KIF1B: variants seen among roughly 807,000 people sequenced by gnomAD.
The protein encoded by KIF1B is kinesin family member 1B.
In KIF1B, 76 loss-of-function variants were observed where a neutral mutation model predicts 241.9. The observed-to-expected ratio is 0.31, with a 90% confidence interval of 0.26 to 0.38. KIF1B has a LOEUF of 0.38. KIF1B is among the 10% of genes least tolerant of loss of function. KIF1B has a pLI of 1.00. For synonymous variants in KIF1B, 750 were observed against 796.7 expected, an observed-to-expected ratio of 0.94 and a Z score of 0.99; for missense variants, 1,622 against 2,271.4, an observed-to-expected ratio of 0.71 and a Z score of 5.81.
chr1:10,341,081 A>G (rs1652374364), intron 32 of KIF1B, among the ~76,000 whole-genome samples: 1 of 152,266 alleles, frequency 6.6e-6, no homozygotes, highest in Admixed American at 6.5e-5. Flanking sequence ...GTGCCTGACA[A>G]CTGGGGAATG....
chr1:10,293,325 A>G (rs1650099325), intron 17 of KIF1B, among the ~76,000 whole-genome samples: 1 of 151,980 alleles, frequency 6.6e-6, no homozygotes, highest in Admixed American at 6.5e-5. Context: ...GTGGAATTTA[A>G]TTGTGCCTAT....
intron 2 of KIF1B, among the ~76,000 whole-genome samples, chr1:10,250,508 T>C (rs1402905956): frequency 6.6e-6 from 1 of 152,024 alleles, no homozygotes; most frequent in Non-Finnish European, 1.5e-5. Context: ...CCAGCTAATT[T>C]TTGTAAATAC....
At chr1:10,219,901 C>G (rs1301736120) in intron 1 of KIF1B, among the ~76,000 whole-genome samples, 1 of 151,386 alleles carries the variant, frequency 6.6e-6, no homozygotes, top group Admixed American at 6.6e-5. Flanking sequence ...GATCTCATCT[C>G]TATTAAAGAT....
chr1:10,245,935 G>A (rs1557661724), intron 2 of KIF1B, among the ~76,000 whole-genome samples: 1 of 152,116 alleles, frequency 6.6e-6, no homozygotes, highest in Middle Eastern at 3.4e-3. Flanking sequence ...TACCTCCTTC[G>A]GTTAAAGTCC....
intron 15 of KIF1B, among the ~76,000 whole-genome samples, chr1:10,283,206 C>CAA (rs33994771): frequency 1.7e-3 from 106 of 61,244 alleles, no homozygotes; most frequent in Admixed American, 2.4e-3. Context: ...GACTCCGTCT[C>CAA]AAAAAAAAAA....
chr1:10,365,470 C>A lies in KIF1B; in HGVS notation c.4574C>A (p.Ser1525Tyr), dbSNP rs766990114. The change falls in exon 43 of 49, where the codon TCC (serine) becomes TAC (tyrosine). Residue 1525 changes from serine to tyrosine, a missense_variant. Ser to Tyr is a moderately radical substitution (Grantham distance 144). This residue lies in a region of KIF1B where 357 missense variants were observed against 409.0 expected (regional missense o/e 0.87). Coordinates refer to ENST00000676179, the MANE Select transcript of KIF1B (RefSeq NM_001365951.3). The surrounding 1 kb of genome is among the most constrained non-coding windows in gnomAD (Gnocchi z 4.0). The stretch of plus-strand genomic sequence containing the variant: ...AGACTTGGTGACAGCATCCCCAAAT[C>A]CCTGAGCGACTCGTTATCCCCCAGC... ...RERLGDSIPK[S>Y]LSDSLSPSLS... 1.9e-5 allele frequency: 31 copies of A among 1,614,176 alleles called. 1 individual carries two copies. In the South Asian group the frequency reaches 2.2e-4, roughly 11 times the overall value.
chr1:10,269,775 G>A (rs1048801024), intron 7 of KIF1B, among the ~76,000 whole-genome samples: 6 of 152,134 alleles, frequency 3.9e-5, no homozygotes, highest in African/African-American at 1.4e-4. Flanking sequence ...CTGAGGTTGC[G>A]CCATTGCACT....
chr1:10,243,625 T>A (rs1483982713), intron 2 of KIF1B, among the ~76,000 whole-genome samples: 1 of 152,214 alleles, frequency 6.6e-6, no homozygotes, highest in Non-Finnish European at 1.5e-5. Context: ...TGGGCTCACA[T>A]ATCTATTAAT....
chr1:10,306,757 T>TAAA (rs745772393), intron 22 of KIF1B: 8,107 of 563,158 alleles, frequency 0.014, 32 homozygotes, highest in Non-Finnish European at 0.015. Context: ...AACCTGTCTT[T>TAAA]AAAAAAAAAA....
At chr1:10,319,637 G>A (rs1279432283) in intron 22 of KIF1B, among the ~76,000 whole-genome samples, 1 of 152,064 alleles carries the variant, frequency 6.6e-6, no homozygotes, top group Non-Finnish European at 1.5e-5. Context: ...TGATACTGGT[G>A]AATTTAATCT....
In KIF1B at chr1:10,321,712, C is replaced by G. The variant is rs1651529824; in HGVS notation, c.2213C>G (p.Pro738Arg). ...TATGCATCATTCATTCTTTCAGTTCCTTGGACACAGCATGAATTTGAGTTG... is the reference window on the plus strand; with the variant it reads ...TATGCATCATTCATTCTTTCAGTTCGTTGGACACAGCATGAATTTGAGTTG... Reference protein sequence around the residue: ...TEEEEEEEEVPWTQHEFELAQ... With the variant: ...TEEEEEEEEVRWTQHEFELAQ... The change falls in exon 24 of 49, where the codon CCT becomes CGT. Residue 738 changes from proline to arginine, a missense_variant. Physicochemically the swap from Pro to Arg is moderately radical, Grantham distance 103. Coordinates refer to ENST00000676179, the MANE Select transcript of KIF1B (RefSeq NM_001365951.3). 11 of 1,613,862 alleles carry G rather than the reference C, an allele frequency of 6.8e-6. No individual in the cohort carries two copies. The highest frequency in any genetic ancestry group is 1.6e-4 in the Middle Eastern group (1 of 6,084).
chr1:10,353,284 A>G (rs1361041711), intron 38 of KIF1B, among the ~76,000 whole-genome samples: 2 of 152,256 alleles, frequency 1.3e-5, no homozygotes, highest in Non-Finnish European at 2.9e-5. Context: ...TCTTATGACC[A>G]AGATTGGCTG....
intron 2 of KIF1B, among the ~76,000 whole-genome samples, chr1:10,237,869 T>TGTG (rs1456530408): frequency 6.6e-6 from 1 of 150,928 alleles, no homozygotes; most frequent in Non-Finnish European, 1.5e-5. Flanking sequence ...GCTAGCTGGG[T>TGTG]GTGGTGGTGT....
chr1:10,316,319 C>T (rs947446350), intron 22 of KIF1B, among the ~76,000 whole-genome samples: 1 of 151,528 alleles, frequency 6.6e-6, no homozygotes, highest in Non-Finnish European at 1.5e-5. Context: ...TCAGTTTGTC[C>T]TATTATCAAT....
chr1:10,234,558 G>C (rs953576190), intron 2 of KIF1B, among the ~76,000 whole-genome samples: 1 of 150,826 alleles, frequency 6.6e-6, no homozygotes, highest in Non-Finnish European at 1.5e-5. Flanking sequence ...GTCTCTCTCT[G>C]TCACGCAGGC....
At chr1:10,315,620 C>T (rs1205404048) in intron 22 of KIF1B, among the ~76,000 whole-genome samples, 1 of 151,502 alleles carries the variant, frequency 6.6e-6, no homozygotes, top group Non-Finnish European at 1.5e-5. Flanking sequence ...AATCCAAGAT[C>T]CAGTCAAGGT....
rs1638526501 is a variant in KIF1B at position 10,365,004 on chromosome 1, T to TTA, written c.4367-96_4367-95insTA. Reference sequence around the variant, plus strand: ...CTGGGCAACAGAGCGAGACTCCATCTCAAAAAAAAAAAAAAAAGAATTATT... The same window carrying TTA: ...CTGGGCAACAGAGCGAGACTCCATCTTACAAAAAAAAAAAAAAAAGAATTATT... On this transcript the variant is annotated intron_variant, in intron 41 of 48. Coordinates refer to ENST00000676179, the MANE Select transcript of KIF1B (RefSeq NM_001365951.3). This position sits in a 1 kb window ranked among gnomAD's most constrained non-coding sequence, Gnocchi z 4.0. 1.3e-6 allele frequency: 1 copy of TTA among 746,422 alleles called. No individual in the cohort carries two copies. The highest frequency in any genetic ancestry group is 1.9e-6 in the Non-Finnish European group (1 of 517,482). The allele number at this position is 746,422 out of a possible 1,614,324, so 46.2% of individuals were successfully genotyped here.
intron 38 of KIF1B, among the ~76,000 whole-genome samples, chr1:10,353,232 T>C (rs1652861720): frequency 6.6e-6 from 1 of 152,232 alleles, no homozygotes; most frequent in South Asian, 2.1e-4. Context: ...ATCCTTAGTA[T>C]TTGTTTTTCA....
At chr1:10,333,285 G>A (rs1157083483) in intron 27 of KIF1B, among the ~76,000 whole-genome samples, 2 of 151,514 alleles carry the variant, frequency 1.3e-5, no homozygotes, top group Non-Finnish European at 2.9e-5. Context: ...CAGGAGAATC[G>A]CTTGAACCCG....
Sources: allele counts gnomAD v4.1 joint callset (sites outside exome capture counted in the v4.1 genomes callset), GRCh38; gene constraint gnomAD v4.1.1; regional missense constraint gnomAD v4.1.1; non-coding constraint Gnocchi (gnomAD v3.1); transcripts MANE v1.5; gene names NCBI Gene and HGNC (gene_info 2026-07-23, HGNC 2026-07-21).